The following NLRP4 variants were observed in gnomAD, a reference collection of about 807,000 sequenced individuals.
The protein encoded by NLRP4 is NACHT, LRR and PYD domains-containing protein 4.
A neutral mutation model predicts 84.7 loss-of-function variants in NLRP4; 44 were observed. The observed-to-expected ratio is 0.52, with a 90% CI of 0.41 to 0.67. The LOEUF is 0.67. Ranked by LOEUF, NLRP4 falls within the 30% of genes least tolerant of loss-of-function variation. NLRP4 has a pLI of 0.00. For missense variants in NLRP4, 1,260 were observed against 1,219.4 expected, an observed-to-expected ratio of 1.03 and a Z score of -0.50; for synonymous variants, 544 against 476.4, an observed-to-expected ratio of 1.14 and a Z score of -1.85.
At position 55,867,754 on chromosome 19, in the gene NLRP4, T is replaced by G; in HGVS notation, c.2232T>G (p.Ala744=). The G allele has an allele frequency of 6.2e-7, 1 of 1,614,104 alleles. No homozygotes were observed. Among genetic ancestry groups the G allele is most frequent in the Non-Finnish European group, 8.5e-7 (1 of 1,179,912 alleles). ...CACCCATTGATTGTGAAGTCCTTGC[T>G]GGCCTTCTAACCAACAACAAGAAGC... ...HLSPIDCEVL[A]GLLTNNKKLT... The change falls in exon 6 of 10, where the codon GCT becomes GCG. Residue 744 remains alanine (A), a synonymous_variant. Coordinates refer to ENST00000301295, the MANE Select transcript of NLRP4 (RefSeq NM_134444.5).
intron 2 of NLRP4, among the ~76,000 whole-genome samples, chr19:55,853,589 T>C (rs1051744156): frequency 1.3e-5 from 2 of 151,614 alleles, no homozygotes; most frequent in Admixed American, 6.6e-5. Context: ...TAAAAAAAAA[T>C]TGTAGAGATG....
rs1454201302 is a variant in NLRP4, at chr19:55,861,922, GACAA to G, written c.2019-66_2019-63del. The G allele has an allele frequency of 2.9e-6, 3 of 1,024,120 alleles. No homozygotes were observed. In the African/African-American group the frequency reaches 4.7e-5, roughly 16 times the overall value. The allele number at this position is 1,024,120 out of a possible 1,614,324, so 63.4% of individuals were successfully genotyped here. A position where few individuals can be genotyped will look rare whatever the true frequency, so the allele number is the denominator to read the frequency against. ...AATGAGTTCATGATGGATGATGAGA[GACAA>G]ACACAGGTGTGCAGGCTGTGCTCCC... On this transcript the variant is annotated intron_variant, in intron 4 of 9. Transcript: ENST00000301295.
chr19:55,860,998 G>T (rs532603646), intron 3 of NLRP4, among the ~76,000 whole-genome samples: 53 of 152,256 alleles, frequency 3.5e-4, no homozygotes, highest in African/African-American at 1.2e-3. Context: ...ACCTATTTTG[G>T]ATGTGAGACA....
rs779305650 is a variant in NLRP4, at chr19:55,858,654, A to G, written c.1261A>G (p.Arg421Gly). 8 of 1,614,170 alleles carry G rather than the reference A, an allele frequency of 5.0e-6. No individual in the cohort carries two copies. In the Admixed American group the frequency reaches 1.0e-4, roughly 20 times the overall value. The change falls in exon 3 of 10, where the codon AGA becomes GGA. Residue 421 changes from arginine to glycine, a missense_variant. By Grantham distance (125) the Arg-to-Gly change is moderately radical (BLOSUM62 -2). Around this residue, in one of 3 missense-constraint regions of NLRP4, gnomAD observed 712 missense variants for 669.2 expected, o/e 1.06. Coordinates refer to ENST00000301295, the MANE Select transcript of NLRP4 (RefSeq NM_134444.5). The surrounding 1 kb of genome is among the most constrained non-coding windows in gnomAD (Gnocchi z 4.2). Reference protein sequence around the residue: ...TFEFCEDDLRRNGVVDADIPA... With the variant: ...TFEFCEDDLRGNGVVDADIPA... ...TGAGTTTTGTGAAGACGACCTCCGGAGAAATGGGGTTGTTGACGCTGACAT... is the reference window on the plus strand; with the variant it reads ...TGAGTTTTGTGAAGACGACCTCCGGGGAAATGGGGTTGTTGACGCTGACAT...
chr19:55,871,820 G>C (rs1448351498), intron 7 of NLRP4, among the ~76,000 whole-genome samples: 1 of 150,840 alleles, frequency 6.6e-6, no homozygotes, highest in Non-Finnish European at 1.5e-5. Context: ...AAATTTAAAA[G>C]CATCTAGAAG....
At chr19:55,865,082 C>CA (rs2123047001) in intron 5 of NLRP4, among the ~76,000 whole-genome samples, 1 of 152,284 alleles carries the variant, frequency 6.6e-6, no homozygotes, top group South Asian at 2.1e-4. Flanking sequence ...ATTATTTCGT[C>CA]ACCCGTTAAT....
Position 55,857,812 on chromosome 19 carries a change from C to T in NLRP4, c.419C>T (p.Ala140Val). 6.2e-7 allele frequency: 1 copy of T among 1,614,072 alleles called. No homozygotes were observed. Among genetic ancestry groups the T allele is most frequent in the South Asian group, 1.1e-5 (1 of 91,070 alleles). Residue 140 changes from alanine to valine, a missense_variant, in exon 3 of 10, where the codon GCT (alanine) becomes GTT (valine). By Grantham distance (64) the Ala-to-Val change is moderately conservative (BLOSUM62 0). Coordinates refer to ENST00000301295, the MANE Select transcript of NLRP4 (RefSeq NM_134444.5). Reference protein sequence around the residue: ...EECDHLDRLFAPKEAGKQPRT... With the variant: ...EECDHLDRLFVPKEAGKQPRT... Reference sequence around the variant, plus strand: ...TGTGACCATTTGGACCGCCTTTTTGCTCCCAAGGAAGCTGGGAAACAGCCA... The same window carrying T: ...TGTGACCATTTGGACCGCCTTTTTGTTCCCAAGGAAGCTGGGAAACAGCCA...
chr19:55,861,952 A>G (rs957615634), intron 4 of NLRP4, 40 bp from the exon 5 acceptor site: 25 of 1,417,936 alleles, frequency 1.8e-5, no homozygotes, highest in Non-Finnish European at 2.4e-5. Flanking sequence ...CTGTGCTCCC[A>G]TTAGATGAAA....
intron 6 of NLRP4, among the ~76,000 whole-genome samples, chr19:55,869,378 T>C (rs302435): frequency 0.34 from 40,905 of 121,846 alleles, 5,773 homozygotes; most frequent in African/African-American, 0.39. Flanking sequence ...AAACAAAAAA[T>C]AAACCAAAAA....
In NLRP4 at chr19:55,864,848, C is replaced by A. The variant is rs559097244; in HGVS notation, c.2186+2689C>A. Among the ~76,000 whole-genome samples, 3 of 152,220 alleles carry A rather than the reference C, an allele frequency of 2.0e-5. No homozygotes were observed. In the East Asian group the frequency reaches 5.8e-4, roughly 29 times the overall value. On this transcript the variant is annotated intron_variant, in intron 5 of 9. Coordinates refer to ENST00000301295, the MANE Select transcript of NLRP4 (RefSeq NM_134444.5). ...TTCCTGAATGACTAATGATGAGCATCTTTTCCTGTGCTTTTTGATCATTTC... is the reference window on the plus strand; with the variant it reads ...TTCCTGAATGACTAATGATGAGCATATTTTCCTGTGCTTTTTGATCATTTC...
intron 1 of NLRP4, among the ~76,000 whole-genome samples, chr19:55,848,293 A>T (rs1983875257): frequency 6.6e-6 from 1 of 151,958 alleles, no homozygotes; most frequent in South Asian, 2.1e-4. Flanking sequence ...CTTGCTACCC[A>T]TGTTGGCCTT....
Position 55,850,077 on chromosome 19 carries a change from GCGGTGTA to G in NLRP4, c.-65-1938_-65-1932del, listed in dbSNP as rs1453457013. 1.8e-4 allele frequency among the ~76,000 whole-genome samples: 26 copies of G among 147,098 alleles called. 1 individual carries two copies. Among genetic ancestry groups the G allele is most frequent in the South Asian group, 6.6e-4 (3 of 4,578 alleles). ...TAGCTGCGGTGGAATTTCCGAGACT[GCGGTGTA>G]ATTTCCGTGGCTGCGGTGTAATTAC... On this transcript the variant is annotated intron_variant, in intron 1 of 9. Coordinates refer to ENST00000301295, the MANE Select transcript of NLRP4 (RefSeq NM_134444.5).
At chr19:55,871,126 C>T (rs1265594663) in intron 7 of NLRP4, 129 bp downstream of exon 7, 3 of 740,560 alleles carry the variant, frequency 4.1e-6, no homozygotes, top group Non-Finnish European at 6.6e-6. Flanking sequence ...TTAAAAAATA[C>T]TTGCTTCAGA....
At chr19:55,851,396 TGCGGTGTAATTTACGA>T (rs1254679590) in intron 1 of NLRP4, among the ~76,000 whole-genome samples, 7 of 70,364 alleles carry the variant, frequency 9.9e-5, no homozygotes, top group African/African-American at 1.6e-4. Context: ...TGTCCGAGGC[TGCGGTGTAATTTACGA>T]GGCTGCGGTG....
chr19:55,850,272 AGGCTGCGGTGTAATGTCCGT>A (rs1568658834), intron 1 of NLRP4, among the ~76,000 whole-genome samples: 7 of 48,192 alleles, frequency 1.5e-4, no homozygotes, highest in South Asian at 6.5e-4. Context: ...GTAATTTCCG[AGGCTGCGGTGTAATGTCCGT>A]GGCTGCGGTG....
At chr19:55,852,532 A>G (rs1424992104) in intron 2 of NLRP4, among the ~76,000 whole-genome samples, 172 bp downstream of exon 2, 1 of 144,904 alleles carries the variant, frequency 6.9e-6, no homozygotes, top group Admixed American at 7.1e-5. Context: ...CAGACAGTGC[A>G]GTAGTGTGAT....
chr19:55,864,534 T>C (rs565565235), intron 5 of NLRP4, among the ~76,000 whole-genome samples: 1 of 152,328 alleles, frequency 6.6e-6, no homozygotes, highest in East Asian at 1.9e-4. Flanking sequence ...TGAACACTCA[T>C]GTGTGAACAC....
chr19:55,861,982 G>A lies in NLRP4; in HGVS notation c.2019-10G>A. The A allele has an allele frequency of 6.2e-7, 1 of 1,610,984 alleles. No individual in the cohort carries two copies. Among genetic ancestry groups the A allele is most frequent in the Non-Finnish European group, 8.5e-7 (1 of 1,177,392 alleles). On this transcript the variant is annotated splice_polypyrimidine_tract_variant and intron_variant, in intron 4 of 9. Coordinates refer to ENST00000301295, the MANE Select transcript of NLRP4 (RefSeq NM_134444.5). ...ATGAAACTCATCCAAAATTTTCTTT[G>A]TTTTTGCAGAATAAATAACGTTTCC...
chr19:55,858,241 G>C lies in NLRP4; in HGVS notation c.848G>C (p.Cys283Ser). The C allele has an allele frequency of 6.2e-7, 1 of 1,614,154 alleles. No homozygotes were observed. ...CTGCTCATCGCTATCAAACCCGTGTGCCCGAAGGAGCTCCGGGATCAGGTG... is the reference window on the plus strand; with the variant it reads ...CTGCTCATCGCTATCAAACCCGTGTCCCCGAAGGAGCTCCGGGATCAGGTG... ...ASLLIAIKPV[C>S]PKELRDQVTI... Residue 283 changes from cysteine to serine, a missense_variant, in exon 3 of 10, where the codon TGC (cysteine) becomes TCC (serine). Physicochemically the swap from Cys to Ser is moderately radical, Grantham distance 112. Transcript: ENST00000301295. This position sits in a 1 kb window ranked among gnomAD's most constrained non-coding sequence, Gnocchi z 4.2.
Sources: allele counts gnomAD v4.1 joint callset (sites outside exome capture counted in the v4.1 genomes callset), GRCh38; gene constraint gnomAD v4.1.1; regional missense constraint gnomAD v4.1.1; non-coding constraint Gnocchi (gnomAD v3.1); transcripts MANE v1.5; gene names NCBI Gene and HGNC (gene_info 2026-07-23, HGNC 2026-07-21).